CAMK1D: variants seen among roughly 807,000 people sequenced by gnomAD.
The protein encoded by CAMK1D is calcium/calmodulin dependent protein kinase ID, also known as calcium/calmodulin-dependent protein kinase type 1D.
A neutral mutation model predicts 47.7 loss-of-function variants in CAMK1D; 9 were observed. That is an observed-to-expected ratio of 0.19 (90% CI 0.11 to 0.33). The LOEUF (loss-of-function observed/expected upper bound fraction) is 0.33, where lower values mean the gene tolerates loss of function less well. CAMK1D is among the 10% of genes least tolerant of loss of function. The pLI, the probability that CAMK1D is intolerant of heterozygous loss-of-function variation, is 1.00. For missense variants in CAMK1D, 291 were observed against 488.7 expected (o/e 0.60, Z 3.81); for synonymous variants, 184 against 184.9 (o/e 0.99, Z 0.04).
chr10:12,355,481 C>T (rs184827538), intron 1 of CAMK1D, among the ~76,000 whole-genome samples: 4 of 150,610 alleles, frequency 2.7e-5, no homozygotes, highest in Admixed American at 6.7e-5. Context: ...TGTGTGCGCG[C>T]GCGTGCGTGT....
rs779671509 is a variant in CAMK1D, at chr10:12,555,335, CAGA to C, written c.224+1985_224+1987del. Among the ~76,000 whole-genome samples, 19 of 152,348 alleles carry C rather than the reference CAGA, an allele frequency of 1.2e-4. No homozygotes were observed. In the East Asian group the frequency reaches 3.5e-3, roughly 28 times the overall value. On this transcript the variant is annotated intron_variant, in intron 2 of 10. Transcript: ENST00000619168. The stretch of plus-strand genomic sequence containing the variant: ...CCTCTTCTGACCTTTGTGTAACTCA[CAGA>C]AGAAGCTACAGCATGCGGGATAAGT...
chr10:12,805,084 C>T (rs1448056490), intron 6 of CAMK1D, among the ~76,000 whole-genome samples: 1 of 151,568 alleles, frequency 6.6e-6, no homozygotes, highest in Non-Finnish European at 1.5e-5. Context: ...CATGGTGAAA[C>T]CCCGTCTCTA....
At chr10:12,364,643 C>T (rs1055362889) in intron 1 of CAMK1D, among the ~76,000 whole-genome samples, 1 of 152,012 alleles carries the variant, frequency 6.6e-6, no homozygotes, top group Non-Finnish European at 1.5e-5. Context: ...ACCTCACGCT[C>T]TGTGCATGCA....
At chr10:12,382,539 A>T (rs1386071825) in intron 1 of CAMK1D, among the ~76,000 whole-genome samples, 2 of 152,112 alleles carry the variant, frequency 1.3e-5, no homozygotes, top group Non-Finnish European at 2.9e-5. Flanking sequence ...AAGTTTAAAA[A>T]CCAGGATGGG....
intron 1 of CAMK1D, among the ~76,000 whole-genome samples, chr10:12,420,515 A>G (rs753000206): frequency 4.6e-5 from 7 of 151,940 alleles, no homozygotes; most frequent in Non-Finnish European, 8.8e-5. Flanking sequence ...ATTAACCCTT[A>G]TTGATTTGTT....
chr10:12,353,215 C>T (rs1342764267), intron 1 of CAMK1D, among the ~76,000 whole-genome samples: 2 of 152,148 alleles, frequency 1.3e-5, no homozygotes, highest in Non-Finnish European at 2.9e-5. Flanking sequence ...TGAAAGGCAT[C>T]GACAATTAAC....
intron 1 of CAMK1D, among the ~76,000 whole-genome samples, chr10:12,403,725 T>C (rs2724792): frequency 0.93 from 142,111 of 152,176 alleles, 67,165 homozygotes; most frequent in East Asian, 1. Context: ...TTAAAATAAT[T>C]TTATTAATAA....
chr10:12,824,608 C>T, intron 9 of CAMK1D, 56 bp downstream of exon 9: 2 of 1,368,314 alleles, frequency 1.5e-6, no homozygotes, highest in Non-Finnish European at 2.1e-6. Flanking sequence ...GACACTGGCC[C>T]TCCAATCTGA....
intron 1 of CAMK1D, among the ~76,000 whole-genome samples, chr10:12,530,242 A>G (rs1194367262): frequency 6.6e-6 from 1 of 152,222 alleles, no homozygotes; most frequent in African/African-American, 2.4e-5. Context: ...GAACACAGTG[A>G]GGCTGCTTCC....
chr10:12,813,184 TA>T (rs1479097892), intron 6 of CAMK1D, among the ~76,000 whole-genome samples: 1 of 152,120 alleles, frequency 6.6e-6, no homozygotes, highest in Non-Finnish European at 1.5e-5. Flanking sequence ...GAAAAATGGG[TA>T]GTATTATGAT....
At chr10:12,474,694 C>T (rs1833851193) in intron 1 of CAMK1D, among the ~76,000 whole-genome samples, 1 of 151,848 alleles carries the variant, frequency 6.6e-6, no homozygotes, top group South Asian at 2.1e-4. Flanking sequence ...TTTTATCACC[C>T]AGGTACTAAG....
intron 1 of CAMK1D, among the ~76,000 whole-genome samples, chr10:12,550,150 C>T (rs1836531117): frequency 6.6e-6 from 1 of 152,176 alleles, no homozygotes; most frequent in Non-Finnish European, 1.5e-5. Context: ...TGCCAAAGGG[C>T]TTTTCCGCCT....
At chr10:12,582,936 T>G (rs1814996016) in intron 2 of CAMK1D, among the ~76,000 whole-genome samples, 1 of 152,104 alleles carries the variant, frequency 6.6e-6, no homozygotes, top group South Asian at 2.1e-4. Flanking sequence ...GAAATTTAAA[T>G]TGGATAAAAA....
Position 12,625,001 on chromosome 10 carries a change from C to CTCTT in CAMK1D, c.225-41733_225-41732insTTTC, listed in dbSNP as rs1464568264. Among the ~76,000 whole-genome samples, 11 of 100,396 alleles carry CTCTT rather than the reference C, an allele frequency of 1.1e-4. No homozygotes were observed. The East Asian group carries it at 2.7e-3, about 24-fold the overall frequency. The allele number at this position is 100,396 out of a possible 152,430, so 65.9% of individuals were successfully genotyped here. On this transcript the variant is annotated intron_variant, in intron 2 of 10. Coordinates refer to ENST00000619168, the MANE Select transcript of CAMK1D (RefSeq NM_153498.4). The stretch of plus-strand genomic sequence containing the variant: ...TCCTTCTCCTTCCTCCTCTTTCCTC[C>CTCTT]TCCTCCTCCTCCTCCTCCTCCTTTC...
intron 1 of CAMK1D, among the ~76,000 whole-genome samples, chr10:12,380,923 A>T (rs999996844): frequency 1.3e-5 from 2 of 152,200 alleles, no homozygotes; most frequent in Admixed American, 1.3e-4. Context: ...CACATTTAGT[A>T]ATGATATAAT....
At chr10:12,520,064 G>A (rs1835354155) in intron 1 of CAMK1D, among the ~76,000 whole-genome samples, 1 of 84,396 alleles carries the variant, frequency 1.2e-5, no homozygotes, top group African/African-American at 4.7e-5. Context: ...GCCGGGTGGG[G>A]GGCTGACCCC....
chr10:12,811,486 T>C (rs1469554264), intron 6 of CAMK1D, among the ~76,000 whole-genome samples: 1 of 152,242 alleles, frequency 6.6e-6, no homozygotes, highest in Non-Finnish European at 1.5e-5. Flanking sequence ...AAATCTTTTT[T>C]CTTAATTTTG....
At chr10:12,524,125 A>C (rs926552596) in intron 1 of CAMK1D, among the ~76,000 whole-genome samples, 2 of 150,686 alleles carry the variant, frequency 1.3e-5, no homozygotes, top group Non-Finnish European at 3.0e-5. Flanking sequence ...ATCTCCTGAC[A>C]TCGTAATTTT....
At chr10:12,366,658 TA>T (rs113268184) in intron 1 of CAMK1D, among the ~76,000 whole-genome samples, 54 of 145,624 alleles carry the variant, frequency 3.7e-4, no homozygotes, top group South Asian at 2.4e-3. Flanking sequence ...GACTATGTCT[TA>T]AAAAAAAAAA....
Sources: gnomAD v4.1 joint callset for allele counts (sites outside exome capture counted in the v4.1 genomes callset) on GRCh38, gnomAD v4.1.1 for gene constraint, MANE v1.5 for transcripts, NCBI Gene and HGNC (gene_info 2026-07-23, HGNC 2026-07-21) for gene names.